IRAK2: variants seen among roughly 807,000 people sequenced by gnomAD.
IRAK2 encodes the protein interleukin 1 receptor associated kinase 2, also known as interleukin-1 receptor-associated kinase-like 2.
A neutral mutation model predicts 72.0 loss-of-function variants in IRAK2; 57 were observed. The observed-to-expected ratio is 0.79, with a 90% CI of 0.64 to 0.99. The LOEUF (loss-of-function observed/expected upper bound fraction) is 0.99, where lower values mean the gene tolerates loss of function less well. Ranked by LOEUF, IRAK2 falls within the 50% of genes least tolerant of loss-of-function variation. IRAK2 has a pLI of 0.00. For missense variants in IRAK2, 790 were observed against 794.4 expected, an observed-to-expected ratio of 0.99 and a Z score of 0.07; for synonymous variants, 293 against 312.7, an observed-to-expected ratio of 0.94 and a Z score of 0.67.
At chr3:10,189,837 C>T (rs912882545) in intron 2 of IRAK2, among the ~76,000 whole-genome samples, 3 of 152,030 alleles carry the variant, frequency 2.0e-5, no homozygotes, top group Non-Finnish European at 4.4e-5. Context: ...TGCCCTGCCT[C>T]CGCCCCTTTC....
intron 8 of IRAK2, among the ~76,000 whole-genome samples, chr3:10,220,265 T>G (rs1275728795): frequency 6.6e-6 from 1 of 152,170 alleles, no homozygotes; most frequent in Non-Finnish European, 1.5e-5. Context: ...CCCCTGCATG[T>G]CAGTGCCATG....
At chr3:10,191,792 A>G (rs10048912) in intron 2 of IRAK2, among the ~76,000 whole-genome samples, 5,106 of 152,232 alleles carry the variant, frequency 0.034, 298 homozygotes, top group African/African-American at 0.12. Context: ...AGCACCTCCC[A>G]GTTTATAATT....
chr3:10,184,431 T>A (rs1438550149), intron 2 of IRAK2, among the ~76,000 whole-genome samples: 1 of 152,124 alleles, frequency 6.6e-6, no homozygotes, highest in Middle Eastern at 3.2e-3. Flanking sequence ...GAGATAGGCC[T>A]GGGGGCCTAA....
intron 6 of IRAK2, among the ~76,000 whole-genome samples, chr3:10,215,698 T>C (rs1697594078): frequency 6.6e-6 from 1 of 152,016 alleles, no homozygotes; most frequent in Non-Finnish European, 1.5e-5. Context: ...TATTTTGATA[T>C]GTTTTCTTTA....
In IRAK2 at chr3:10,242,578, C is replaced by T; in HGVS notation, c.*350C>T. 1 of 162,452 alleles carries T rather than the reference C, an allele frequency of 6.2e-6. No homozygotes were observed. The highest frequency in any genetic ancestry group is 2.4e-5 in the African/African-American group (1 of 41,984). 10.1% of individuals were successfully genotyped at this position (162,452 alleles called of 1,614,324 possible). ...TCACCCCCAGCAGATTCCATTACCTCAGCAGCTCTTGTTCCCCCGCCACTG... is the reference window on the plus strand; with the variant it reads ...TCACCCCCAGCAGATTCCATTACCTTAGCAGCTCTTGTTCCCCCGCCACTG... On this transcript the variant is annotated 3_prime_UTR_variant, in exon 13 of 13. Transcript: ENST00000256458.
In IRAK2 at chr3:10,189,517, C is replaced by T. The variant is rs146002731; in HGVS notation, c.278-10852C>T. On this transcript the variant is annotated intron_variant, in intron 2 of 12. Transcript: ENST00000256458. ...AACTGAGTAGGACAGGAAGACACTT[C>T]AGGAATCCGAAGGGATTTGGGAAGT... 2.8e-3 allele frequency among the ~76,000 whole-genome samples: 434 copies of T among 152,338 alleles called. 3 individuals are homozygous for T. The highest frequency in any genetic ancestry group is 9.7e-3 in the African/African-American group (405 of 41,588).
rs59383165 is a variant in IRAK2 at position 10,219,327 on chromosome 3, G to GTT, written c.904-345_904-344dup. On this transcript the variant is annotated intron_variant, in intron 7 of 12. Transcript: ENST00000256458. ...ACTTCGTTTTTTTGTTTTTGTTTTT[G>GTT]TTTTTTTTTGAGATGGAGTCTCGCT... Among the ~76,000 whole-genome samples, 396 of 150,056 alleles carry GTT rather than the reference G, an allele frequency of 2.6e-3. 1 individual carries two copies. Among genetic ancestry groups the GTT allele is most frequent in the African/African-American group, 8.8e-3 (357 of 40,744 alleles).
chr3:10,201,640 T>G (rs2074077905), intron 3 of IRAK2, among the ~76,000 whole-genome samples: 1 of 152,212 alleles, frequency 6.6e-6, no homozygotes, highest in African/African-American at 2.4e-5. Context: ...AGGCAAGGGC[T>G]CAGGGACAGT....
chr3:10,184,734 T>A (rs1306360058), intron 2 of IRAK2, among the ~76,000 whole-genome samples: 1 of 138,764 alleles, frequency 7.2e-6, no homozygotes, highest in Non-Finnish European at 1.5e-5. Context: ...TTTTTTTTTT[T>A]TTTTTTTTTT....
chr3:10,234,122 A>C (rs1697910318), intron 10 of IRAK2, among the ~76,000 whole-genome samples: 1 of 152,062 alleles, frequency 6.6e-6, no homozygotes, highest in Admixed American at 6.5e-5. Context: ...TCTGCCTCCC[A>C]AAGTGCTAAG....
At chr3:10,183,523 C>T (rs948257471) in intron 2 of IRAK2, among the ~76,000 whole-genome samples, 2 of 152,158 alleles carry the variant, frequency 1.3e-5, no homozygotes, top group African/African-American at 4.8e-5. Flanking sequence ...CGAGACCATC[C>T]TGGCTAACAC....
intron 6 of IRAK2, 134 bp from the exon 7 acceptor site, chr3:10,216,800 G>A (rs1434438783): frequency 3.0e-6 from 2 of 667,778 alleles, no homozygotes; most frequent in East Asian, 2.7e-5. Context: ...AGGCCCTTAG[G>A]GGTCAGAGTA....
intron 1 of IRAK2, among the ~76,000 whole-genome samples, chr3:10,170,121 G>T (rs1696772032): frequency 6.6e-6 from 1 of 152,102 alleles, no homozygotes; most frequent in African/African-American, 2.4e-5. Flanking sequence ...CGGTCTCCTG[G>T]CCTTGACTGG....
intron 2 of IRAK2, among the ~76,000 whole-genome samples, chr3:10,192,616 G>A (rs1697194741): frequency 6.6e-6 from 1 of 152,198 alleles, no homozygotes; most frequent in Admixed American, 6.5e-5. Flanking sequence ...ACAGATATGG[G>A]CAAGAACTTA....
chr3:10,208,598 C>G (rs564688615), intron 3 of IRAK2, among the ~76,000 whole-genome samples: 1 of 151,916 alleles, frequency 6.6e-6, no homozygotes, highest in African/African-American at 2.4e-5. Flanking sequence ...CCCATCTCTA[C>G]TAAAAATACA....
intron 10 of IRAK2, among the ~76,000 whole-genome samples, chr3:10,232,465 T>C (rs1029378826): frequency 1.3e-5 from 2 of 152,166 alleles, no homozygotes; most frequent in African/African-American, 4.8e-5. Context: ...GACCGATCAG[T>C]GTGTTAAGGT....
At chr3:10,228,525 T>G (rs751895835) in intron 10 of IRAK2, among the ~76,000 whole-genome samples, 4 of 152,202 alleles carry the variant, frequency 2.6e-5, no homozygotes, top group Middle Eastern at 3.2e-3. Flanking sequence ...AGTGTCACAG[T>G]GGAAGGAGGC....
chr3:10,166,018 C>T (rs1050592449), intron 1 of IRAK2, among the ~76,000 whole-genome samples: 1 of 151,552 alleles, frequency 6.6e-6, no homozygotes, highest in African/African-American at 2.4e-5. Context: ...CATGAGCCAC[C>T]GCGCCCGGCC....
rs572910644 is a variant in IRAK2, at chr3:10,177,867, C to G, written c.124C>G (p.Leu42Val). 14 of 1,613,440 alleles carry G rather than the reference C, an allele frequency of 8.7e-6. No homozygotes were observed. Among genetic ancestry groups the G allele is most frequent in the Non-Finnish European group, 1.2e-5 (14 of 1,180,044 alleles). The stretch of plus-strand genomic sequence containing the variant: ...CTACGTGATCACAGACCTGACCCAG[C>G]TGCGGAAGATCAAGTCCATGGAGCG... ...ASYVITDLTQ[L>V]RKIKSMERVQ... Residue 42 changes from leucine to valine, a missense_variant, in exon 2 of 13, where the codon CTG becomes GTG. Physicochemically the swap from Leu to Val is conservative, Grantham distance 32. Transcript: ENST00000256458.
Sources: allele counts gnomAD v4.1 joint callset (sites outside exome capture counted in the v4.1 genomes callset), GRCh38; gene constraint gnomAD v4.1.1; transcripts MANE v1.5; gene names NCBI Gene and HGNC (gene_info 2026-07-23, HGNC 2026-07-21).